Variants in LHFPL6 observed in about 807,000 individuals in gnomAD.
The protein encoded by LHFPL6 is LHFPL tetraspan subfamily member 6.
A neutral mutation model predicts 20.6 loss-of-function variants in LHFPL6; 9 were observed. The ratio of observed to expected loss-of-function variants is 0.44; its 90% CI spans 0.26 to 0.76. LHFPL6 has a LOEUF of 0.76. Among genes scored for constraint, LHFPL6 ranks in the 30% least tolerant of loss-of-function variants. The probability of loss-of-function intolerance (pLI) is 0.20; values close to 1 mark genes in which losing one functional copy is unlikely to be tolerated. For synonymous variants in LHFPL6, 105 were observed against 98.7 expected, an observed-to-expected ratio of 1.06 and a Z score of -0.38; for missense variants, 218 against 253.5, an observed-to-expected ratio of 0.86 and a Z score of 0.95.
At chr13:39,498,846 C>T (rs185834226) in intron 2 of LHFPL6, among the ~76,000 whole-genome samples, 27 of 152,252 alleles carry the variant, frequency 1.8e-4, no homozygotes, top group Non-Finnish European at 3.4e-4. Flanking sequence ...GAGGCTTTGC[C>T]TTTTCCCCAA....
At chr13:39,363,176 C>T (rs60209287) in intron 3 of LHFPL6, among the ~76,000 whole-genome samples, 11,937 of 152,238 alleles carry the variant, frequency 0.078, 540 homozygotes, top group African/African-American at 0.12. Context: ...GCTGTGAGTG[C>T]TCCTGGCAAG....
chr13:39,391,535 G>A (rs990971884), intron 2 of LHFPL6, among the ~76,000 whole-genome samples: 5 of 152,086 alleles, frequency 3.3e-5, no homozygotes, highest in Admixed American at 2.0e-4. Context: ...ACATATGTGT[G>A]TATCAAACCT....
intron 2 of LHFPL6, among the ~76,000 whole-genome samples, chr13:39,455,397 C>T (rs1205297787): frequency 6.6e-6 from 1 of 152,154 alleles, no homozygotes; most frequent in Non-Finnish European, 1.5e-5. Context: ...GTACACACTG[C>T]TCCCATCAAA....
At chr13:39,462,346 T>C (rs1482681213) in intron 2 of LHFPL6, among the ~76,000 whole-genome samples, 1 of 152,186 alleles carries the variant, frequency 6.6e-6, no homozygotes, top group Non-Finnish European at 1.5e-5. Flanking sequence ...CTTGATAGAC[T>C]ACAGTTAGTT....
intron 2 of LHFPL6, among the ~76,000 whole-genome samples, chr13:39,490,382 T>TC (rs1868882473): frequency 6.6e-6 from 1 of 152,164 alleles, no homozygotes; most frequent in Admixed American, 6.5e-5. Context: ...AATCATAGTC[T>TC]CTAAGTGGGT....
intron 2 of LHFPL6, among the ~76,000 whole-genome samples, chr13:39,423,050 T>C (rs976134762): frequency 6.6e-6 from 1 of 152,062 alleles, no homozygotes; most frequent in African/African-American, 2.4e-5. Flanking sequence ...TTATAATAGC[T>C]CCAACCAGGT....
intron 3 of LHFPL6, among the ~76,000 whole-genome samples, chr13:39,346,135 A>G (rs1869393947): frequency 6.6e-6 from 1 of 152,196 alleles, no homozygotes; most frequent in Non-Finnish European, 1.5e-5. Flanking sequence ...CGTTTACTGG[A>G]GAAGTAGTTA....
chr13:39,377,930 G>C (rs1593290833), intron 3 of LHFPL6, among the ~76,000 whole-genome samples: 3 of 152,174 alleles, frequency 2.0e-5, no homozygotes, highest in African/African-American at 7.2e-5. Context: ...CCTGCAAAGT[G>C]CTTCCATCTA....
At chr13:39,546,422 G>A (rs55997001) in intron 2 of LHFPL6, among the ~76,000 whole-genome samples, 15 of 152,078 alleles carry the variant, frequency 9.9e-5, no homozygotes, top group Admixed American at 2.0e-4. Flanking sequence ...AGCAGATTCC[G>A]ATAGACATTT....
chr13:39,458,853 T>C (rs1156471538), intron 2 of LHFPL6, among the ~76,000 whole-genome samples: 1 of 152,172 alleles, frequency 6.6e-6, no homozygotes, highest in African/African-American at 2.4e-5. Context: ...TATTATTTTG[T>C]TGTAAAATTA....
At chr13:39,521,562 G>A (rs1870106212) in intron 2 of LHFPL6, among the ~76,000 whole-genome samples, 1 of 151,994 alleles carries the variant, frequency 6.6e-6, no homozygotes, top group Admixed American at 6.6e-5. Context: ...CAATAGGGCT[G>A]CTGATAAGAT....
intron 2 of LHFPL6, among the ~76,000 whole-genome samples, chr13:39,393,361 C>A (rs568358678): frequency 2.0e-5 from 3 of 152,272 alleles, no homozygotes; most frequent in South Asian, 4.2e-4. Flanking sequence ...AATGCAGAAA[C>A]AACCCAAAGA....
At chr13:39,459,550 C>G (rs1872644626) in intron 2 of LHFPL6, among the ~76,000 whole-genome samples, 1 of 152,114 alleles carries the variant, frequency 6.6e-6, no homozygotes, top group African/African-American at 2.4e-5. Flanking sequence ...TAAGGAGAAA[C>G]AACTACTGAC....
chr13:39,478,318 G>A (rs956349755), intron 2 of LHFPL6, among the ~76,000 whole-genome samples: 1 of 152,080 alleles, frequency 6.6e-6, no homozygotes, highest in Non-Finnish European at 1.5e-5. Flanking sequence ...TGGGTTGCCA[G>A]GCACTGTGCT....
At chr13:39,403,010 C>T (rs1419003038) in intron 2 of LHFPL6, among the ~76,000 whole-genome samples, 1 of 152,216 alleles carries the variant, frequency 6.6e-6, no homozygotes. Flanking sequence ...ACTGAAAAAG[C>T]ACCAAAGGGT....
intron 2 of LHFPL6, among the ~76,000 whole-genome samples, chr13:39,393,810 G>C (rs1051279744): frequency 6.6e-6 from 1 of 152,160 alleles, no homozygotes; most frequent in Non-Finnish European, 1.5e-5. Flanking sequence ...CTAGATCAAG[G>C]TGTGGGCAGT....
intron 2 of LHFPL6, among the ~76,000 whole-genome samples, chr13:39,596,175 C>A (rs1047021957): frequency 2.0e-5 from 3 of 151,988 alleles, no homozygotes; most frequent in Admixed American, 6.5e-5. Flanking sequence ...TGAGAGAGAA[C>A]TGCAGACAAT....
chr13:39,479,742 T>C (rs1358288292), intron 2 of LHFPL6, among the ~76,000 whole-genome samples: 1 of 152,140 alleles, frequency 6.6e-6, no homozygotes, highest in Non-Finnish European at 1.5e-5. Flanking sequence ...GCTAGACATA[T>C]AAACACACAA....
chr13:39,566,731 TAAAAAAAAAAAAAA>T (rs3035077), intron 2 of LHFPL6, among the ~76,000 whole-genome samples: 3 of 70,086 alleles, frequency 4.3e-5, no homozygotes, highest in South Asian at 6.6e-4. Context: ...AGACCCTGTC[TAAAAAAAAAAAAAA>T]AAAAAAAAAA....
Sources: gnomAD v4.1 joint callset for allele counts (sites outside exome capture counted in the v4.1 genomes callset) on GRCh38, gnomAD v4.1.1 for gene constraint, MANE v1.5 for transcripts, NCBI Gene and HGNC (gene_info 2026-07-23, HGNC 2026-07-21) for gene names.